Variants in SLC38A1 observed in about 807,000 individuals in gnomAD.
SLC38A1 encodes sodium-coupled neutral amino acid symporter 1.
In SLC38A1, 18 loss-of-function variants were observed where a neutral mutation model predicts 60.3. The observed-to-expected ratio is 0.30, with a 90% CI of 0.21 to 0.44. The LOEUF is 0.44. SLC38A1 is among the 20% of genes least tolerant of loss of function. The probability of loss-of-function intolerance (pLI) is 1.00; values close to 1 mark genes in which losing one functional copy is unlikely to be tolerated. For missense variants in SLC38A1, 448 were observed against 587.2 expected, an observed-to-expected ratio of 0.76 and a Z score of 2.45; for synonymous variants, 196 against 212.1, an observed-to-expected ratio of 0.92 and a Z score of 0.66.
At position 46,262,223 on chromosome 12, in the gene SLC38A1, T is replaced by C. The variant is rs78397493; in HGVS notation, c.-209+6303A>G. Among the ~76,000 whole-genome samples, 232 of 152,370 alleles carry C rather than the reference T, an allele frequency of 1.5e-3. 1 individual carries two copies. The highest frequency in any genetic ancestry group is 5.1e-3 in the African/African-American group (213 of 41,598). ...CCCATATGATCTTTTAAATGTCTGT[T>C]ATCAACATGACCAGCTTATGATGTT... On this transcript the variant is annotated intron_variant, in intron 1 of 16. Transcript: ENST00000398637.
chr12:46,262,677 A>C (rs1003519113), intron 1 of SLC38A1, among the ~76,000 whole-genome samples: 18 of 152,206 alleles, frequency 1.2e-4, no homozygotes, highest in African/African-American at 4.3e-4. Context: ...CTAAGTTATG[A>C]CTCCTAACAA....
chr12:46,229,313 AG>A, intron 4 of SLC38A1, 45 bp from the exon 5 acceptor site: 2 of 1,359,196 alleles, frequency 1.5e-6, no homozygotes, highest in South Asian at 1.2e-5. Context: ...ATAATCCCCA[AG>A]AAAGTTCATC....
chr12:46,245,625 C>G (rs1941589725), intron 1 of SLC38A1, among the ~76,000 whole-genome samples: 1 of 152,056 alleles, frequency 6.6e-6, no homozygotes, highest in South Asian at 2.1e-4. Flanking sequence ...GGATATACAC[C>G]CAAAGAAAAT....
intron 5 of SLC38A1, among the ~76,000 whole-genome samples, chr12:46,228,195 A>T (rs1940939509): frequency 6.6e-6 from 1 of 152,170 alleles, no homozygotes; most frequent in Admixed American, 6.5e-5. Flanking sequence ...CACACACACA[A>T]AATTAATGCC....
chr12:46,191,425 T>G (rs1228228710), intron 16 of SLC38A1, among the ~76,000 whole-genome samples: 1 of 152,216 alleles, frequency 6.6e-6, no homozygotes, highest in Non-Finnish European at 1.5e-5. Flanking sequence ...AGCTCTTTTT[T>G]GGTTCCATAT....
intron 9 of SLC38A1, among the ~76,000 whole-genome samples, chr12:46,204,998 A>T (rs1018058392): frequency 6.6e-6 from 1 of 152,224 alleles, no homozygotes; most frequent in African/African-American, 2.4e-5. Flanking sequence ...GCTCTTTATT[A>T]TGCACTTATT....
chr12:46,228,119 G>A (rs1940936573), intron 5 of SLC38A1, among the ~76,000 whole-genome samples: 1 of 152,172 alleles, frequency 6.6e-6, no homozygotes, highest in Non-Finnish European at 1.5e-5. Context: ...TGACAATATG[G>A]AAGACAATGT....
chr12:46,246,891 G>T (rs904239184), intron 1 of SLC38A1, among the ~76,000 whole-genome samples: 1 of 152,170 alleles, frequency 6.6e-6, no homozygotes, highest in African/African-American at 2.4e-5. Flanking sequence ...GGGCAAACAG[G>T]GTCTGGAAAG....
chr12:46,227,048 C>CAA (rs112968984), intron 5 of SLC38A1, among the ~76,000 whole-genome samples: 27 of 114,552 alleles, frequency 2.4e-4, no homozygotes, highest in East Asian at 1.6e-3. Flanking sequence ...GACAAGTTTC[C>CAA]AAAAAAAAAA....
intron 5 of SLC38A1, among the ~76,000 whole-genome samples, chr12:46,222,416 C>T (rs1228929908): frequency 6.6e-6 from 1 of 152,136 alleles, no homozygotes; most frequent in Admixed American, 6.5e-5. Context: ...ATAGACACAC[C>T]CTCCTTCCAT....
In SLC38A1 at chr12:46,188,900, G is replaced by T; in HGVS notation, c.*70C>A. 1 of 1,247,654 alleles carries T rather than the reference G, an allele frequency of 8.0e-7. No homozygotes were observed. The highest frequency in any genetic ancestry group is 1.2e-6 in the Non-Finnish European group (1 of 858,404). 77.3% of individuals were successfully genotyped at this position (1,247,654 alleles called of 1,614,324 possible). A position where few individuals can be genotyped will look rare whatever the true frequency, so the allele number is the denominator to read the frequency against. On this transcript the variant is annotated 3_prime_UTR_variant, in exon 17 of 17. Coordinates refer to ENST00000398637, the MANE Select transcript of SLC38A1 (RefSeq NM_030674.4). ...CTTCTGTAAACTTGCAAAAGAAGTG[G>T]TGAGAGATTGCTGATGTGTGGGGAC...
chr12:46,211,331 C>A (rs549802248), intron 5 of SLC38A1, among the ~76,000 whole-genome samples: 1 of 152,272 alleles, frequency 6.6e-6, no homozygotes, highest in Admixed American at 6.5e-5. Flanking sequence ...AAGGGATTTT[C>A]CCATGGGCCC....
At position 46,268,030 on chromosome 12, in the gene SLC38A1, G is replaced by A. The variant is rs1942416559; in HGVS notation, c.-209+496C>T. Among the ~76,000 whole-genome samples, 1 of 152,190 alleles carries A rather than the reference G, an allele frequency of 6.6e-6. No individual in the cohort carries two copies. Among genetic ancestry groups the A allele is most frequent in the Non-Finnish European group, 1.5e-5 (1 of 68,026 alleles). The stretch of plus-strand genomic sequence containing the variant: ...AGTGGTGGTCCGCGGCCGCTACCCA[G>A]CCGGCCGCACGCAGCACCCCCCGGA... On this transcript the variant is annotated intron_variant, in intron 1 of 16. Coordinates refer to ENST00000398637, the MANE Select transcript of SLC38A1 (RefSeq NM_030674.4). The surrounding 1 kb of genome is among the most constrained non-coding windows in gnomAD (Gnocchi z 4.4).
intron 16 of SLC38A1, among the ~76,000 whole-genome samples, chr12:46,189,512 C>T (rs1472347610): frequency 6.6e-6 from 1 of 152,072 alleles, no homozygotes. Flanking sequence ...GGAAAAAAAA[C>T]ATACAAAAGC....
chr12:46,230,652 T>C (rs958712444), intron 3 of SLC38A1, among the ~76,000 whole-genome samples: 1 of 152,214 alleles, frequency 6.6e-6, no homozygotes, highest in Non-Finnish European at 1.5e-5. Context: ...GAGTAAATGA[T>C]GTACAAATAT....
chr12:46,193,127 T>C lies in SLC38A1; in HGVS notation c.1363-4056A>G, dbSNP rs192215889. Among the ~76,000 whole-genome samples, 4 of 152,340 alleles carry C rather than the reference T, an allele frequency of 2.6e-5. No homozygotes were observed. The East Asian group carries it at 7.7e-4, about 29-fold the overall frequency. Reference sequence around the variant, plus strand: ...AATGTGTCCCAGAGATTCTGGTACATTGCGTCTTGGTTCTCATTGGTTTCA... The same window carrying C: ...AATGTGTCCCAGAGATTCTGGTACACTGCGTCTTGGTTCTCATTGGTTTCA... On this transcript the variant is annotated intron_variant, in intron 16 of 16. Coordinates refer to ENST00000398637, the MANE Select transcript of SLC38A1 (RefSeq NM_030674.4).
rs1011106147 is a variant in SLC38A1 at position 46,188,283 on chromosome 12, A to G, written c.*687T>C. The G allele has an allele frequency of 2.0e-5, 3 of 152,188 alleles. No individual in the cohort carries two copies. The highest frequency in any genetic ancestry group is 4.4e-5 in the Non-Finnish European group (3 of 68,024). 9.4% of individuals were successfully genotyped at this position (152,188 alleles called of 1,614,324 possible). A position where few individuals can be genotyped will look rare whatever the true frequency, so the allele number is the denominator to read the frequency against. ...ATTACCAAGGTAAGAATCATCCCCAACCACTTTTCAGCTGAGAACACTTGC... is the reference window on the plus strand; with the variant it reads ...ATTACCAAGGTAAGAATCATCCCCAGCCACTTTTCAGCTGAGAACACTTGC... On this transcript the variant is annotated 3_prime_UTR_variant, in exon 17 of 17. Transcript: ENST00000398637.
Position 46,268,201 on chromosome 12 carries a change from G to A in SLC38A1, c.-209+325C>T, listed in dbSNP as rs777416930. On this transcript the variant is annotated intron_variant, in intron 1 of 16. Transcript: ENST00000398637. This position sits in a 1 kb window ranked among gnomAD's most constrained non-coding sequence, Gnocchi z 4.4. ...CGTGGTTCCTGGCTCTCGTAAAAAT[G>A]GAACCAGATCTGGTACCACACTCTG... 6.6e-6 allele frequency among the ~76,000 whole-genome samples: 1 copy of A among 152,152 alleles called. No individual in the cohort carries two copies. The highest frequency in any genetic ancestry group is 6.5e-5 in the Admixed American group (1 of 15,272).
Position 46,197,962 on chromosome 12 carries a change from C to A in SLC38A1, c.1221G>T (p.Leu407Phe), listed in dbSNP as rs755759542. ...TCILLVVINL[L>F]VIFIPSMKDI... ...CCTTCATGGAGGGTATGAAGATCAC[C>A]AACAAGTTGATAACAACCAAGAGTA... is the stretch of plus-strand genomic sequence containing the variant. The change falls in exon 15 of 17, where the codon TTG becomes TTT. Residue 407 changes from leucine to phenylalanine, a missense_variant. Leu to Phe is a conservative substitution (Grantham distance 22, BLOSUM62 0). Transcript: ENST00000398637. 6.2e-7 allele frequency: 1 copy of A among 1,614,022 alleles called. No homozygotes were observed. The highest frequency in any genetic ancestry group is 8.5e-7 in the Non-Finnish European group (1 of 1,179,970).
Sources: gnomAD v4.1 joint callset for allele counts (sites outside exome capture counted in the v4.1 genomes callset) on GRCh38, gnomAD v4.1.1 for gene constraint, Gnocchi (gnomAD v3.1) non-coding constraint, MANE v1.5 for transcripts, NCBI Gene and HGNC (gene_info 2026-07-23, HGNC 2026-07-21) for gene names.